The following HECW2 variants were observed in gnomAD, a reference collection of about 807,000 sequenced individuals.
HECW2 encodes E3 ubiquitin-protein ligase HECW2.
A neutral mutation model predicts 175.2 loss-of-function variants in HECW2; 61 were observed. That is an observed-to-expected ratio of 0.35 (90% CI 0.28 to 0.43). HECW2 has a LOEUF of 0.43. Among genes scored for constraint, HECW2 ranks in the 20% least tolerant of loss-of-function variants. The pLI, the probability that HECW2 is intolerant of heterozygous loss-of-function variation, is 1.00. For synonymous variants in HECW2, 671 were observed against 731.0 expected (o/e 0.92, Z 1.32); for missense variants, 1,524 against 2,000.5 (o/e 0.76, Z 4.54).
At chr2:196,230,664 G>A (rs1688018782) in intron 21 of HECW2, among the ~76,000 whole-genome samples, 1 of 152,166 alleles carries the variant, frequency 6.6e-6, no homozygotes, top group Non-Finnish European at 1.5e-5. Flanking sequence ...CGGCGATGCA[G>A]GTTAAACTTA....
intron 1 of HECW2, among the ~76,000 whole-genome samples, chr2:196,567,682 G>T (rs1051226933): frequency 3.3e-5 from 5 of 152,098 alleles, no homozygotes; most frequent in Non-Finnish European, 7.3e-5. Context: ...ATCTAACGCT[G>T]ATATGGGCCA....
rs982677950 is a variant in HECW2 at position 196,200,554 on chromosome 2, T to C, written c.*723A>G. On this transcript the variant is annotated 3_prime_UTR_variant, in exon 29 of 29. Transcript: ENST00000644978. ...CTTTTTCCTGATATGCTGTGATTAA[T>C]TGCTAGTTATTTTAAAATTGTTTTC... 3 of 152,734 alleles carry C rather than the reference T, an allele frequency of 2.0e-5. No individual in the cohort carries two copies. Among genetic ancestry groups the C allele is most frequent in the Middle Eastern group, 3.4e-3 (1 of 294 alleles). The allele number at this position is 152,734 out of a possible 1,614,324, so 9.5% of individuals were successfully genotyped here.
intron 14 of HECW2, among the ~76,000 whole-genome samples, chr2:196,283,711 T>C (rs1404889735): frequency 6.6e-6 from 1 of 152,184 alleles, no homozygotes; most frequent in Non-Finnish European, 1.5e-5. Context: ...AAAACGTATA[T>C]GGGTTTTCCA....
At chr2:196,534,343 T>C (rs925040795) in intron 1 of HECW2, among the ~76,000 whole-genome samples, 3 of 152,212 alleles carry the variant, frequency 2.0e-5, no homozygotes, top group Non-Finnish European at 4.4e-5. Context: ...CCCTGCCTCA[T>C]GCACTAAACT....
chr2:196,298,595 C>T (rs1046828754), intron 13 of HECW2, among the ~76,000 whole-genome samples: 2 of 151,866 alleles, frequency 1.3e-5, no homozygotes, highest in African/African-American at 2.4e-5. Flanking sequence ...TGTGCTGCAC[C>T]CATTAACTCG....
At chr2:196,540,419 T>A (rs992429804) in intron 1 of HECW2, among the ~76,000 whole-genome samples, 11 of 152,054 alleles carry the variant, frequency 7.2e-5, no homozygotes, top group Admixed American at 2.0e-4. Flanking sequence ...TTAAGGAATA[T>A]AATTTATTTT....
At chr2:196,242,035 T>C (rs2045277) in intron 20 of HECW2, 49 bp downstream of exon 20, 1,424,904 of 1,577,650 alleles carry the variant, frequency 0.9, 647,255 homozygotes, top group Non-Finnish European at 0.93. Flanking sequence ...AACTGTGCCC[T>C]CTCCTTTCAC....
intron 22 of HECW2, among the ~76,000 whole-genome samples, chr2:196,227,159 T>C (rs1687878598): frequency 1.3e-5 from 2 of 152,178 alleles, no homozygotes; most frequent in Admixed American, 1.3e-4. Flanking sequence ...GGACTTCAAA[T>C]TGCAGCTAAA....
chr2:196,501,180 A>T (rs1360887787), intron 1 of HECW2, among the ~76,000 whole-genome samples: 1 of 152,218 alleles, frequency 6.6e-6, no homozygotes, highest in Non-Finnish European at 1.5e-5. Flanking sequence ...AAGGTGACTA[A>T]TATTTTCTAA....
chr2:196,318,417 G>A (rs1206438983), intron 9 of HECW2, 135 bp downstream of exon 9: 20 of 1,063,570 alleles, frequency 1.9e-5, no homozygotes, highest in Non-Finnish European at 2.3e-5. Flanking sequence ...CTCTCTTCTT[G>A]CCTGCTGAAC....
chr2:196,319,799 C>G lies in HECW2; in HGVS notation c.1091G>C (p.Ser364Thr), dbSNP rs887985686. ...DEDMPGSHHD[S>T]QVCSNGPVSE... ...AACTGGCCCATTAGAGCACACCTGGCTGTCGTGATGGCTCCCTGGCATGTC... is the reference window on the plus strand; with the variant it reads ...AACTGGCCCATTAGAGCACACCTGGGTGTCGTGATGGCTCCCTGGCATGTC... The change falls in exon 9 of 29, where the codon AGC becomes ACC. Residue 364 changes from serine to threonine, a missense_variant. Coordinates refer to ENST00000644978, the MANE Select transcript of HECW2 (RefSeq NM_001348768.2). 1 of 1,614,122 alleles carries G rather than the reference C, an allele frequency of 6.2e-7. No homozygotes were observed. The highest frequency in any genetic ancestry group is 8.5e-7 in the Non-Finnish European group (1 of 1,180,054).
intron 1 of HECW2, among the ~76,000 whole-genome samples, chr2:196,476,781 G>A (rs527826776): frequency 6.6e-6 from 1 of 151,626 alleles, no homozygotes; most frequent in Non-Finnish European, 1.5e-5. Context: ...TAAAATTTGG[G>A]GTACACAGAA....
intron 13 of HECW2, among the ~76,000 whole-genome samples, chr2:196,293,764 T>C (rs1268128932): frequency 2.0e-5 from 3 of 152,160 alleles, no homozygotes; most frequent in East Asian, 1.9e-4. Context: ...TCCCCCAGTA[T>C]TGGACTAGGT....
intron 17 of HECW2, among the ~76,000 whole-genome samples, chr2:196,269,034 T>A (rs1689626461): frequency 6.6e-6 from 1 of 152,248 alleles, no homozygotes; most frequent in Non-Finnish European, 1.5e-5. Flanking sequence ...AGCATGCTTA[T>A]GTTGGGGAAG....
chr2:196,540,050 G>A (rs1282345992), intron 1 of HECW2, among the ~76,000 whole-genome samples: 1 of 152,180 alleles, frequency 6.6e-6, no homozygotes, highest in African/African-American at 2.4e-5. Context: ...TGTATGTACT[G>A]TCTGAACTAC....
intron 14 of HECW2, among the ~76,000 whole-genome samples, chr2:196,285,480 T>G (rs1248355210): frequency 6.6e-6 from 1 of 152,212 alleles, no homozygotes; most frequent in Non-Finnish European, 1.5e-5. Flanking sequence ...GTATTGTATC[T>G]GCTGTAAATT....
At chr2:196,585,992 G>A (rs774287413) in intron 1 of HECW2, among the ~76,000 whole-genome samples, 2 of 152,030 alleles carry the variant, frequency 1.3e-5, no homozygotes, top group Non-Finnish European at 2.9e-5. Context: ...CTAAAAGTCT[G>A]GGTCCCTCCT....
intron 24 of HECW2, 35 bp downstream of exon 24, chr2:196,222,176 C>T (rs752498435): frequency 5.0e-6 from 8 of 1,595,038 alleles, no homozygotes; most frequent in Middle Eastern, 1.7e-4. Flanking sequence ...CCTTCAGTTA[C>T]CACACTTAGG....
intron 3 of HECW2, among the ~76,000 whole-genome samples, chr2:196,337,576 T>A (rs11305830): frequency 0.23 from 6,672 of 29,634 alleles, 522 homozygotes; most frequent in African/African-American, 0.27. Flanking sequence ...AATAAAAAAA[T>A]ATATATATAT....
Sources: gnomAD v4.1 joint callset for allele counts (sites outside exome capture counted in the v4.1 genomes callset) on GRCh38, gnomAD v4.1.1 for gene constraint, MANE v1.5 for transcripts, NCBI Gene and HGNC (gene_info 2026-07-23, HGNC 2026-07-21) for gene names.